The following PPEF1 variants were observed in gnomAD, a reference collection of about 807,000 sequenced individuals.
PPEF1 encodes serine/threonine-protein phosphatase with EF-hands 1.
PPEF1 carries 12 observed loss-of-function variants against 53.3 expected under a neutral mutation model. That is an observed-to-expected ratio of 0.23 (90% CI 0.14 to 0.36). The LOEUF (loss-of-function observed/expected upper bound fraction) is 0.36, where lower values mean the gene tolerates loss of function less well. PPEF1 is among the 10% of genes least tolerant of loss of function. PPEF1 has a pLI of 1.00. For missense variants in PPEF1, 334 were observed against 490.4 expected (o/e 0.68, Z 3.01); for synonymous variants, 165 against 176.7 (o/e 0.93, Z 0.52).
upstream of PPEF1, among the ~76,000 whole-genome samples, chrX:18,675,279 C>T (rs923127355): frequency 8.8e-6 from 1 of 113,666 alleles, no homozygotes; most frequent in Non-Finnish European, 1.9e-5. Flanking sequence ...GAAGTGCACC[C>T]TGCTCGGGCT....
intron 4 of PPEF1, among the ~76,000 whole-genome samples, chrX:18,693,056 T>G (rs1032571332): frequency 8.9e-6 from 1 of 111,933 alleles, no homozygotes; most frequent in Admixed American, 9.5e-5. Flanking sequence ...CATAAAACTA[T>G]CTTCAGCTTC....
At chrX:18,676,005 C>CG (rs1928662847) in exon 1 of PPEF1, 2 of 101,000 alleles carry the variant, frequency 2.0e-5, no homozygotes, top group Non-Finnish European at 3.9e-5. Context: ...GGTCTGCAGG[C>CG]AGCAGCTGTC....
At chrX:18,822,598 T>G (rs751193543) in intron 13 of PPEF1, among the ~76,000 whole-genome samples, 18 of 109,852 alleles carry the variant, frequency 1.6e-4, no homozygotes, top group African/African-American at 6.0e-4. Flanking sequence ...AAGCTCTGCC[T>G]CCTGGGTCCA....
chrX:18,810,220 C>T (rs2046778793), intron 12 of PPEF1, among the ~76,000 whole-genome samples: 2 of 108,764 alleles, frequency 1.8e-5, no homozygotes, highest in South Asian at 8.1e-4. Flanking sequence ...AGGGTTATAA[C>T]ATTGGACAAT....
intron 10 of PPEF1, among the ~76,000 whole-genome samples, chrX:18,797,523 A>T (rs2147659138): frequency 9.0e-6 from 1 of 111,341 alleles, no homozygotes; most frequent in South Asian, 3.8e-4. Flanking sequence ...TCATTCATTT[A>T]ACAGGTATTT....
At chrX:18,739,101 A>G (rs1379234390) in intron 3 of PPEF1, among the ~76,000 whole-genome samples, 1 of 112,125 alleles carries the variant, frequency 8.9e-6, no homozygotes, top group Non-Finnish European at 1.9e-5. Flanking sequence ...GAAGTTTGTT[A>G]TTACCGATCA....
In PPEF1 at chrX:18,685,702, AAG is replaced by A. The variant is rs1415908707; in HGVS notation, c.-519-434_-519-433del. Reference sequence around the variant, plus strand: ...TCCATCTCAAAAAAAAAAAAAAAAAAAGAAAAAAAAGCAGTGGGTTCTATTTT... The same window carrying A: ...TCCATCTCAAAAAAAAAAAAAAAAAAAAAAAAAAGCAGTGGGTTCTATTTT... On this transcript the variant is annotated intron_variant, in intron 2 of 21. Transcript: ENST00000361511. 1.4e-3 allele frequency among the ~76,000 whole-genome samples: 137 copies of A among 101,148 alleles called. 6 individuals carry two copies. The highest frequency in any genetic ancestry group is 5.0e-3 in the African/African-American group (116 of 23,154). 87.8% of individuals were successfully genotyped at this position (101,148 alleles called of 115,157 possible).
At chrX:18,725,787 C>A (rs1162010510) in intron 1 of PPEF1, among the ~76,000 whole-genome samples, 1 of 111,407 alleles carries the variant, frequency 9.0e-6, no homozygotes, top group East Asian at 2.8e-4. Flanking sequence ...GTTCCGTTTC[C>A]TGACTTTGGA....
At chrX:18,723,071 G>A (rs12008434) in intron 1 of PPEF1, among the ~76,000 whole-genome samples, 5,936 of 106,227 alleles carry the variant, frequency 0.056, 460 homozygotes, top group African/African-American at 0.19. Flanking sequence ...GGCAACCTCC[G>A]TCTCCCAGGT....
At chrX:18,675,969 G>GGGC (rs1928660695) in exon 1 of PPEF1, 2 of 86,677 alleles carry the variant, frequency 2.3e-5, no homozygotes, top group African/African-American at 4.2e-5. Context: ...GGGGGGGGGG[G>GGGC]CATCTTTAAG....
chrX:18,800,878 G>T (rs961577619), intron 10 of PPEF1, among the ~76,000 whole-genome samples: 1 of 111,521 alleles, frequency 9.0e-6, no homozygotes, highest in African/African-American at 3.3e-5. Flanking sequence ...TAACTTAAGA[G>T]GTTTCCCAGG....
At chrX:18,774,238 C>T (rs1357573691) in intron 6 of PPEF1, among the ~76,000 whole-genome samples, 1 of 111,092 alleles carries the variant, frequency 9.0e-6, no homozygotes, top group Non-Finnish European at 1.9e-5. Context: ...TACAGGCATG[C>T]GCCACCACAC....
At chrX:18,726,972 A>G (rs964241443) in intron 1 of PPEF1, among the ~76,000 whole-genome samples, 1 of 112,230 alleles carries the variant, frequency 8.9e-6, no homozygotes, top group Non-Finnish European at 1.9e-5. Context: ...AAGCTTGTTT[A>G]TTTGTTATTG....
chrX:18,729,082 A>G lies in PPEF1; in HGVS notation c.47-1099A>G, dbSNP rs901658841. On this transcript the variant is annotated intron_variant, in intron 1 of 15. Transcript: ENST00000470157. ...AGACAGTCTGCCTAGATAGTCCACA[A>G]ACAAGACAATACTTCCAGTTGCCAT... 2.7e-5 allele frequency among the ~76,000 whole-genome samples: 3 copies of G among 112,334 alleles called. No individual in the cohort carries two copies. In the Admixed American group the frequency reaches 2.8e-4, roughly 11 times the overall value.
At chrX:18,681,081 G>A (rs966884818), upstream of PPEF1, among the ~76,000 whole-genome samples, 42 of 111,457 alleles carry the variant, frequency 3.8e-4, no homozygotes, top group Non-Finnish European at 6.4e-4. Flanking sequence ...AAACATACGT[G>A]TGCATGTGTC....
At chrX:18,809,813 A>G (rs2046768606) in intron 12 of PPEF1, among the ~76,000 whole-genome samples, 1 of 111,661 alleles carries the variant, frequency 9.0e-6, no homozygotes, top group Non-Finnish European at 1.9e-5. Context: ...ACATTATGAC[A>G]ACATGGATAA....
At chrX:18,803,871 A>G in intron 10 of PPEF1, 21 bp from the exon 11 acceptor site, 1 of 1,170,007 alleles carries the variant, frequency 8.5e-7, no homozygotes, top group Non-Finnish European at 1.1e-6. Flanking sequence ...GTTACAGCGA[A>G]ATCTGGTTTG....
At chrX:18,676,043 G>T (rs753148521) in exon 1 of PPEF1, 21 of 107,517 alleles carry the variant, frequency 2.0e-4, no homozygotes, top group African/African-American at 6.8e-4. Context: ...TGCTGAGGTC[G>T]GTAGGTTGAT....
intron 8 of PPEF1, among the ~76,000 whole-genome samples, chrX:18,783,360 G>A (rs1180064460): frequency 9.1e-6 from 1 of 110,182 alleles, no homozygotes; most frequent in African/African-American, 3.3e-5. Context: ...GAATTAGCTA[G>A]CCCCGGGAGG....
Sources: gnomAD v4.1 joint callset for allele counts (sites outside exome capture counted in the v4.1 genomes callset) on GRCh38, gnomAD v4.1.1 for gene constraint, MANE v1.5 for transcripts, NCBI Gene and HGNC (gene_info 2026-07-23, HGNC 2026-07-21) for gene names.